Variants in LRP8 observed in about 807,000 individuals in gnomAD.
The protein encoded by LRP8 is low-density lipoprotein receptor-related protein 8.
Under a neutral mutation model 111.6 loss-of-function variants are expected in LRP8, and 46 were observed. That is an observed-to-expected ratio of 0.41 (90% confidence interval 0.33 to 0.53). The LOEUF (loss-of-function observed/expected upper bound fraction) is 0.53, where lower values mean the gene tolerates loss of function less well. LRP8 is among the 20% of genes least tolerant of loss of function. LRP8 has a pLI of 0.20. For missense variants in LRP8, 959 were observed against 1,297.4 expected (o/e 0.74, Z 4.01); for synonymous variants, 464 against 511.2 (o/e 0.91, Z 1.24).
chr1:53,268,675 C>T (rs978358590), intron 8 of LRP8: 7 of 152,196 alleles, frequency 4.6e-5, no homozygotes, highest in African/African-American at 1.4e-4. Flanking sequence ...TTTTCTTAAA[C>T]ATAACATGTC....
chr1:53,257,940 A>G, intron 14 of LRP8: 1 of 208,958 alleles, frequency 4.8e-6, no homozygotes, highest in Non-Finnish European at 9.8e-6. Context: ...ATATTGCAAA[A>G]GGGCTGCTGT....
Position 53,294,801 on chromosome 1 carries a change from C to T in LRP8, c.245-5112G>A, listed in dbSNP as rs1241636840. ...AATCACTCAGCACTTCTTGGCTTCCCCCGCCTCCAGAGACATCCTTCCCTG... is the reference window on the plus strand; with the variant it reads ...AATCACTCAGCACTTCTTGGCTTCCTCCGCCTCCAGAGACATCCTTCCCTG... On this transcript the variant is annotated intron_variant, in intron 2 of 18. Coordinates refer to ENST00000306052, the MANE Select transcript of LRP8 (RefSeq NM_004631.5). This position sits in a 1 kb window ranked among gnomAD's most constrained non-coding sequence, Gnocchi z 4.1. Among the ~76,000 whole-genome samples the T allele has an allele frequency of 6.6e-6, 1 of 152,224 alleles. No homozygotes were observed. Among genetic ancestry groups the T allele is most frequent in the African/African-American group, 2.4e-5 (1 of 41,462 alleles).
rs922487540 is a variant in LRP8, at chr1:53,246,266, G to T, written c.*752C>A. 1.3e-5 allele frequency: 2 copies of T among 152,146 alleles called. No homozygotes were observed. Among genetic ancestry groups the T allele is most frequent in the Admixed American group, 1.3e-4 (2 of 15,274 alleles). The allele number at this position is 152,146 out of a possible 1,614,324, so 9.4% of individuals were successfully genotyped here. ...ACCATGGTATCTATTTTCTGATCCAGATTTCCAAAGGCTTTTCTGAAAACT... is the reference window on the plus strand; with the variant it reads ...ACCATGGTATCTATTTTCTGATCCATATTTCCAAAGGCTTTTCTGAAAACT... On this transcript the variant is annotated 3_prime_UTR_variant, in exon 19 of 19. Transcript: ENST00000306052.
intron 2 of LRP8, among the ~76,000 whole-genome samples, chr1:53,322,579 A>G (rs1654652671): frequency 6.6e-6 from 1 of 152,172 alleles, no homozygotes; most frequent in East Asian, 1.9e-4. Context: ...AGCAGGTCAC[A>G]GAGGGCCAAA....
intron 16 of LRP8, among the ~76,000 whole-genome samples, chr1:53,252,173 G>C (rs913764753): frequency 2.6e-5 from 4 of 152,006 alleles, no homozygotes; most frequent in African/African-American, 9.7e-5. Flanking sequence ...AATAATTTTA[G>C]TTAATCAAGA....
At chr1:53,320,868 C>T (rs991788205) in intron 2 of LRP8, among the ~76,000 whole-genome samples, 8 of 152,204 alleles carry the variant, frequency 5.3e-5, no homozygotes, top group South Asian at 2.1e-4. Context: ...CAGCGGGGAA[C>T]GGCTTAAGAA....
At chr1:53,257,920 A>T in intron 14 of LRP8, 1 of 214,334 alleles carries the variant, frequency 4.7e-6, no homozygotes, top group Non-Finnish European at 9.5e-6. Context: ...ATTAACTATT[A>T]GTCCCAATTA....
intron 2 of LRP8, among the ~76,000 whole-genome samples, chr1:53,312,431 T>G (rs1415510759): frequency 6.6e-6 from 1 of 152,160 alleles, no homozygotes; most frequent in Non-Finnish European, 1.5e-5. Context: ...GCGGCATGAC[T>G]ATAGCCCACT....
At chr1:53,280,491 C>A in intron 4 of LRP8, 96 bp downstream of exon 4, 1 of 1,510,036 alleles carries the variant, frequency 6.6e-7, no homozygotes, top group Non-Finnish European at 8.9e-7. Context: ...CACCAAGCCC[C>A]ACGGGGAACT....
rs757087137 is a variant in LRP8, at chr1:53,271,240, C to G, written c.1113G>C (p.Gln371His). 2.1e-5 allele frequency: 34 copies of G among 1,613,856 alleles called. No individual in the cohort carries two copies. The highest frequency in any genetic ancestry group is 2.0e-4 in the Admixed American group (12 of 59,984). The change falls in exon 7 of 19, where the codon CAG becomes CAC. Residue 371 changes from glutamine (Q) to histidine (H), a missense_variant. This residue lies in a region of LRP8 where 819 missense variants were observed against 1,097.6 expected (regional missense o/e 0.75). Coordinates refer to ENST00000306052, the MANE Select transcript of LRP8 (RefSeq NM_004631.5). ...TCPAGFQLLD[Q>H]KTCGDIDECK... ...AGAAGGTCTCACCGCCACAGGTCTTCTGGTCCAGGAGCTGGAAGCCTGCTG... is the reference window on the plus strand; with the variant it reads ...AGAAGGTCTCACCGCCACAGGTCTTGTGGTCCAGGAGCTGGAAGCCTGCTG...
chr1:53,323,672 T>G (rs72895398), intron 2 of LRP8, among the ~76,000 whole-genome samples: 7,113 of 152,318 alleles, frequency 0.047, 419 homozygotes, highest in African/African-American at 0.14. Context: ...GCAAGCTCCA[T>G]CTGTGTCTCC....
rs1649198753 is a variant in LRP8 at position 53,293,752 on chromosome 1, G to A, written c.245-4063C>T. On this transcript the variant is annotated intron_variant, in intron 2 of 18. Transcript: ENST00000306052. This position sits in a 1 kb window ranked among gnomAD's most constrained non-coding sequence, Gnocchi z 4.9. ...GCTAATGGACAGCACTTTCAGGGTG[G>A]GGACTAGACTAAAGCACGCTGGAGG... Among the ~76,000 whole-genome samples, 1 of 152,202 alleles carries A rather than the reference G, an allele frequency of 6.6e-6. No homozygotes were observed. The highest frequency in any genetic ancestry group is 2.4e-5 in the African/African-American group (1 of 41,454).
At position 53,249,588 on chromosome 1, in the gene LRP8, T is replaced by G; in HGVS notation, c.2677-32A>C. The G allele has an allele frequency of 6.4e-7, 1 of 1,551,822 alleles. No homozygotes were observed. Among genetic ancestry groups the G allele is most frequent in the South Asian group, 1.2e-5 (1 of 83,956 alleles). On this transcript the variant is annotated intron_variant, in intron 17 of 18. Transcript: ENST00000306052. This position sits in a 1 kb window ranked among gnomAD's most constrained non-coding sequence, Gnocchi z 4.1. The stretch of plus-strand genomic sequence containing the variant: ...GGGGGATGGCACTGTGGATGACCTC[T>G]GAGGTCACACTCAGCCCCCTGACTG...
intron 12 of LRP8, among the ~76,000 whole-genome samples, chr1:53,261,368 C>T (rs1646333287): frequency 6.6e-6 from 1 of 152,220 alleles, no homozygotes; most frequent in African/African-American, 2.4e-5. Context: ...TGGAGCTTTG[C>T]CCACAACTTC....
chr1:53,249,338 C>G lies in LRP8; in HGVS notation c.2853+42G>C. 1.3e-6 allele frequency: 2 copies of G among 1,599,102 alleles called. No homozygotes were observed. Among genetic ancestry groups the G allele is most frequent in the African/African-American group, 1.3e-5 (1 of 74,680 alleles). On this transcript the variant is annotated intron_variant, in intron 18 of 18. Transcript: ENST00000306052. The surrounding 1 kb of genome is among the most constrained non-coding windows in gnomAD (Gnocchi z 4.1). ...GGCTGCGCCTGCCTTGGTTCATGCC[C>G]TCACTCACCAGCCCCTCAGACTTAG...
rs552706538 is a variant in LRP8, at chr1:53,271,330, C to A, written c.1023G>T (p.Leu341=). Residue 341 remains leucine, a synonymous_variant, in exon 7 of 19, where the codon CTG becomes CTT. Coordinates refer to ENST00000306052, the MANE Select transcript of LRP8 (RefSeq NM_004631.5). The part of the protein sequence containing the change: ...AGCLQGLNEC[L]HNNGGCSHIC... The stretch of plus-strand genomic sequence containing the variant: ...TGTGTGAGCAGCCGCCATTGTTGTG[C>A]AGACACTCGTTCAGCCCTGGGGAGG... 5 of 1,614,048 alleles carry A rather than the reference C, an allele frequency of 3.1e-6. No individual in the cohort carries two copies. Among genetic ancestry groups the A allele is most frequent in the Middle Eastern group, 1.6e-4 (1 of 6,062 alleles).
At chr1:53,302,838 C>A (rs1159632105) in intron 2 of LRP8, among the ~76,000 whole-genome samples, 5 of 150,026 alleles carry the variant, frequency 3.3e-5, no homozygotes, top group African/African-American at 1.2e-4. Context: ...TGCAGGCGTG[C>A]ACCACCACAC....
At chr1:53,290,105 C>A (rs1028670341) in intron 2 of LRP8, among the ~76,000 whole-genome samples, 1 of 129,430 alleles carries the variant, frequency 7.7e-6, no homozygotes, top group African/African-American at 2.5e-5. Flanking sequence ...CTTCTGCAGG[C>A]GCCAGGGGAG....
At chr1:53,326,461 T>C (rs1311792393) in intron 2 of LRP8, among the ~76,000 whole-genome samples, 1 of 152,192 alleles carries the variant, frequency 6.6e-6, no homozygotes, top group South Asian at 2.1e-4. Flanking sequence ...AGGAGCGCAG[T>C]GCGGCCCGGA....
Sources: gnomAD v4.1 joint callset for allele counts (sites outside exome capture counted in the v4.1 genomes callset) on GRCh38, gnomAD v4.1.1 for gene constraint, gnomAD v4.1.1 regional missense constraint, Gnocchi (gnomAD v3.1) non-coding constraint, MANE v1.5 for transcripts, NCBI Gene and HGNC (gene_info 2026-07-23, HGNC 2026-07-21) for gene names.